The following FARS2 variants were observed in gnomAD, a reference collection of about 807,000 sequenced individuals.
FARS2 encodes phenylalanyl-tRNA synthetase 2, mitochondrial.
In FARS2, 40 loss-of-function variants were observed where a neutral mutation model predicts 46.4. The observed-to-expected ratio is 0.86, with a 90% CI of 0.67 to 1.12. The LOEUF (loss-of-function observed/expected upper bound fraction) is 1.12. FARS2 is among the 50% of genes most tolerant of loss of function. FARS2 has a pLI of 0.00. For missense variants in FARS2, 513 were observed against 567.9 expected, an observed-to-expected ratio of 0.90 and a Z score of 0.98; for synonymous variants, 234 against 214.9, an observed-to-expected ratio of 1.09 and a Z score of -0.78.
rs139828098 is a variant in FARS2 at position 5,348,680 on chromosome 6, A to G, written c.-21-19870A>G. Among the ~76,000 whole-genome samples, 12 of 151,638 alleles carry G rather than the reference A, an allele frequency of 7.9e-5. No homozygotes were observed. The East Asian group carries it at 2.3e-3, about 30-fold the overall frequency. On this transcript the variant is annotated intron_variant, in intron 1 of 6. Coordinates refer to ENST00000274680, the MANE Select transcript of FARS2 (RefSeq NM_006567.5). Reference sequence around the variant, plus strand: ...ATCCTTTAAAACTTGTCTTTACGGTATTTGGAGACAAATAAATATAATCTA... The same window carrying G: ...ATCCTTTAAAACTTGTCTTTACGGTGTTTGGAGACAAATAAATATAATCTA...
intron 3 of FARS2, among the ~76,000 whole-genome samples, chr6:5,418,752 C>G (rs1219299710): frequency 6.6e-6 from 1 of 152,184 alleles, no homozygotes; most frequent in Non-Finnish European, 1.5e-5. Context: ...TCTGTCTCCT[C>G]AAATCAAGGA....
chr6:5,557,034 A>G (rs1448814959), intron 5 of FARS2, among the ~76,000 whole-genome samples: 1 of 152,180 alleles, frequency 6.6e-6, no homozygotes, highest in African/African-American at 2.4e-5. Flanking sequence ...TTATAGAGTT[A>G]AAAAGTTACA....
intron 5 of FARS2, among the ~76,000 whole-genome samples, chr6:5,599,619 T>G (rs1390263785): frequency 6.6e-6 from 1 of 152,272 alleles, no homozygotes; most frequent in Non-Finnish European, 1.5e-5. Context: ...TGCTATACAA[T>G]TCACCCATTT....
At chr6:5,562,759 A>G (rs1011296995) in intron 5 of FARS2, among the ~76,000 whole-genome samples, 7 of 149,328 alleles carry the variant, frequency 4.7e-5, no homozygotes, top group African/African-American at 1.7e-4. Context: ...TCTTTGTAAT[A>G]TAAAATTAAC....
chr6:5,415,974 T>C (rs984286751), intron 3 of FARS2, among the ~76,000 whole-genome samples: 1 of 152,256 alleles, frequency 6.6e-6, no homozygotes, highest in South Asian at 2.1e-4. Context: ...CCCAAAGTGC[T>C]GGGATTACAG....
chr6:5,260,556 T>A, upstream of FARS2: 5 of 1,493,398 alleles, frequency 3.3e-6, no homozygotes, highest in South Asian at 4.8e-5. Flanking sequence ...CCACGGTGGC[T>A]CCCAGTCCCC....
intron 6 of FARS2, among the ~76,000 whole-genome samples, chr6:5,673,431 G>C (rs1778584901): frequency 6.6e-6 from 1 of 152,184 alleles, no homozygotes; most frequent in African/African-American, 2.4e-5. Context: ...ATTTGGGCCT[G>C]TCCATCCTGG....
chr6:5,427,884 A>G (rs1051820305), intron 3 of FARS2, among the ~76,000 whole-genome samples: 3 of 152,236 alleles, frequency 2.0e-5, no homozygotes, highest in African/African-American at 7.2e-5. Flanking sequence ...TCAACATTAC[A>G]GAAATTTTCA....
chr6:5,296,358 G>C (rs994381349), intron 1 of FARS2, among the ~76,000 whole-genome samples: 2 of 151,940 alleles, frequency 1.3e-5, no homozygotes, highest in Non-Finnish European at 2.9e-5. Flanking sequence ...AGCCAGGATG[G>C]TCTCGATCTC....
intron 4 of FARS2, among the ~76,000 whole-genome samples, chr6:5,507,396 A>C (rs985424380): frequency 2.4e-4 from 36 of 152,332 alleles, no homozygotes; most frequent in Non-Finnish European, 5.1e-4. Context: ...TAAAAAAAAA[A>C]AATCTGATGT....
chr6:5,369,700 A>G (rs910628736), intron 2 of FARS2, among the ~76,000 whole-genome samples: 1 of 152,096 alleles, frequency 6.6e-6, no homozygotes, highest in Non-Finnish European at 1.5e-5. Flanking sequence ...CTGGCTTTGC[A>G]TGTTGCTGTG....
intron 4 of FARS2, among the ~76,000 whole-genome samples, chr6:5,444,244 G>A (rs183551569): frequency 5.9e-4 from 90 of 152,036 alleles, no homozygotes; most frequent in African/African-American, 2.0e-3. Context: ...CAATGTGGGC[G>A]GATCACAAGG....
At chr6:5,513,833 A>G (rs1437825320) in intron 4 of FARS2, among the ~76,000 whole-genome samples, 2 of 152,182 alleles carry the variant, frequency 1.3e-5, no homozygotes, top group Admixed American at 6.5e-5. Context: ...GGGCCCTGCC[A>G]GGTTCCCAGG....
chr6:5,382,481 T>C (rs1011840404), intron 2 of FARS2, among the ~76,000 whole-genome samples: 8 of 152,222 alleles, frequency 5.3e-5, no homozygotes, highest in African/African-American at 1.4e-4. Flanking sequence ...GTCTCAAATA[T>C]AATCTTAAAA....
intron 6 of FARS2, among the ~76,000 whole-genome samples, chr6:5,753,055 T>C (rs1445848437): frequency 6.6e-6 from 1 of 152,158 alleles, no homozygotes; most frequent in Non-Finnish European, 1.5e-5. Flanking sequence ...GAGAAGTATA[T>C]GAGATAGTCA....
intron 6 of FARS2, among the ~76,000 whole-genome samples, chr6:5,634,855 A>G (rs541552391): frequency 8.7e-4 from 132 of 152,304 alleles, no homozygotes; most frequent in Non-Finnish European, 1.5e-3. Context: ...CAGATTGATC[A>G]ATTTCCTGAG....
intron 6 of FARS2, among the ~76,000 whole-genome samples, chr6:5,637,532 T>C (rs763171575): frequency 1.3e-5 from 2 of 152,214 alleles, no homozygotes; most frequent in Non-Finnish European, 2.9e-5. Flanking sequence ...TCCAGGACCA[T>C]ATTCTTACCA....
chr6:5,728,280 TGG>T (rs1238655925), intron 6 of FARS2, among the ~76,000 whole-genome samples: 1 of 152,330 alleles, frequency 6.6e-6, no homozygotes, highest in East Asian at 1.9e-4. Context: ...TGGGCTGGTT[TGG>T]CTTGCTAATG....
chr6:5,614,349 C>T (rs550229336), intron 6 of FARS2, among the ~76,000 whole-genome samples: 2 of 152,068 alleles, frequency 1.3e-5, no homozygotes, highest in East Asian at 3.9e-4. Context: ...TCTAAATTGT[C>T]AGGGCTCCTG....
Sources: allele counts gnomAD v4.1 joint callset (sites outside exome capture counted in the v4.1 genomes callset), GRCh38; gene constraint gnomAD v4.1.1; transcripts MANE v1.5; gene names NCBI Gene and HGNC (gene_info 2026-07-23, HGNC 2026-07-21).